BEND3: variants seen among roughly 807,000 people sequenced by gnomAD.
The protein encoded by BEND3 is BEN domain-containing protein 3.
A neutral mutation model predicts 60.1 loss-of-function variants in BEND3; 13 were observed. That is an observed-to-expected ratio of 0.22 (90% CI 0.14 to 0.34). BEND3 has a LOEUF of 0.34. BEND3 is among the 10% of genes least tolerant of loss of function. The probability of loss-of-function intolerance (pLI) is 1.00; values close to 1 mark genes in which losing one functional copy is unlikely to be tolerated. For missense variants in BEND3, 896 were observed against 1,138.1 expected (o/e 0.79, Z 3.06); for synonymous variants, 497 against 491.5 (o/e 1.01, Z -0.15).
chr6:107,084,009 A>G (rs1161572368), intron 3 of BEND3, among the ~76,000 whole-genome samples: 1 of 152,260 alleles, frequency 6.6e-6, no homozygotes, highest in Non-Finnish European at 1.5e-5. Flanking sequence ...GCATGGAAGG[A>G]GCCTGAAAGT....
At position 107,069,513 on chromosome 6, in the gene BEND3, G is replaced by A. The variant is rs781855436; in HGVS notation, c.1678C>T (p.Leu560=). 1.2e-6 allele frequency: 2 copies of A among 1,613,162 alleles called. No homozygotes were observed. Among genetic ancestry groups the A allele is most frequent in the Non-Finnish European group, 1.7e-6 (2 of 1,180,034 alleles). Residue 560 remains leucine, a synonymous_variant, in exon 4 of 4, where the codon CTA becomes TTA. Transcript: ENST00000369042. The part of the protein sequence containing the change: ...GADCLLSKEQ[L]RSIYESSLSI... ...AGGCTGCTCTCGTAGATGCTGCGTA[G>A]CTGCTCCTTGCTGAGCAGGCAGTCG...
At chr6:107,098,409 C>T (rs2115026826) in intron 3 of BEND3, 142 bp downstream of exon 3, 1 of 799,432 alleles carries the variant, frequency 1.3e-6, no homozygotes, top group South Asian at 1.8e-5. Flanking sequence ...AAACTGAAGC[C>T]AGAGATGGGA....
At chr6:107,101,289 T>C (rs1298999011) in intron 1 of BEND3, among the ~76,000 whole-genome samples, 1 of 152,156 alleles carries the variant, frequency 6.6e-6, no homozygotes, top group Non-Finnish European at 1.5e-5. Context: ...TGGTGTGTGT[T>C]TGACATACAG....
In BEND3 at chr6:107,070,886, G is replaced by A. The variant is rs150431018; in HGVS notation, c.305C>T (p.Ala102Val). ...ATTGCCCAGGCTCCTGCCCCTGCCG[G>A]CCTGCTCACCATTGCCTTGGCAGGG... ...SSPCQGNGEQ[A>V]GRGRSLGNVW... is the part of the protein sequence containing the mutation. Residue 102 changes from alanine (A) to valine (V), a missense_variant, in exon 4 of 4, where the codon GCC (alanine) becomes GTC (valine). By Grantham distance (64) the Ala-to-Val change is moderately conservative. Coordinates refer to ENST00000369042, the MANE Select transcript of BEND3 (RefSeq NM_001367314.1). This position sits in a 1 kb window ranked among gnomAD's most constrained non-coding sequence, Gnocchi z 6.9. 2.1e-5 allele frequency: 34 copies of A among 1,613,768 alleles called. No homozygotes were observed. The African/African-American group carries it at 4.4e-4, about 21-fold the overall frequency.
At chr6:107,095,325 T>C (rs1630395) in intron 3 of BEND3, among the ~76,000 whole-genome samples, 48,161 of 151,756 alleles carry the variant, frequency 0.32, 7,861 homozygotes, top group East Asian at 0.41. Context: ...CCTTCATCTC[T>C]GCAAAAAAAA....
At chr6:107,104,323 A>G (rs933736131) in intron 1 of BEND3, among the ~76,000 whole-genome samples, 2 of 151,180 alleles carry the variant, frequency 1.3e-5, no homozygotes, top group Non-Finnish European at 2.9e-5. Flanking sequence ...GAACCACATC[A>G]CAAAGAGATA....
chr6:107,091,285 A>C (rs1775470032), intron 3 of BEND3, among the ~76,000 whole-genome samples: 1 of 152,160 alleles, frequency 6.6e-6, no homozygotes, highest in South Asian at 2.1e-4. Flanking sequence ...CAAAGTAAGC[A>C]GAAGAAAAGA....
chr6:107,101,438 T>G (rs1428102375), intron 1 of BEND3, among the ~76,000 whole-genome samples: 2 of 152,188 alleles, frequency 1.3e-5, no homozygotes, highest in African/African-American at 4.8e-5. Context: ...GAAGCACTAT[T>G]TTTAGTTCAA....
At chr6:107,110,557 G>A (rs1775920265) in intron 1 of BEND3, among the ~76,000 whole-genome samples, 1 of 152,066 alleles carries the variant, frequency 6.6e-6, no homozygotes, top group Admixed American at 6.6e-5. Flanking sequence ...TTTTTTGTGT[G>A]TGACTTTCTT....
intron 3 of BEND3, among the ~76,000 whole-genome samples, chr6:107,093,223 G>A (rs1001029654): frequency 6.6e-6 from 1 of 152,188 alleles, no homozygotes; most frequent in African/African-American, 2.4e-5. Context: ...CACTTTGGGA[G>A]GCTGAGGAGG....
At chr6:107,076,383 G>A (rs9480726) in intron 3 of BEND3, among the ~76,000 whole-genome samples, 9,871 of 152,230 alleles carry the variant, frequency 0.065, 402 homozygotes, top group South Asian at 0.13. Flanking sequence ...CGTCTAGCCC[G>A]GATCTTGATC....
intron 1 of BEND3, among the ~76,000 whole-genome samples, chr6:107,107,465 A>G (rs1554237697): frequency 6.9e-6 from 1 of 145,862 alleles, no homozygotes; most frequent in Non-Finnish European, 1.5e-5. Flanking sequence ...AGTGCATTTT[A>G]TTTTTTTATT....
chr6:107,083,686 T>G (rs1775279234), intron 3 of BEND3, among the ~76,000 whole-genome samples: 2 of 152,156 alleles, frequency 1.3e-5, no homozygotes. Flanking sequence ...AGTCAACATT[T>G]TTTTCTGGAC....
At chr6:107,097,804 AAAAAAAAAAAAC>A (rs1554236215) in intron 3 of BEND3, among the ~76,000 whole-genome samples, 62 of 151,520 alleles carry the variant, frequency 4.1e-4, no homozygotes, top group Non-Finnish European at 1.0e-4. Context: ...AAAAAAAAAA[AAAAAAAAAAAAC>A]CCCAACAAAC....
chr6:107,081,567 C>T (rs1255231983), intron 3 of BEND3, among the ~76,000 whole-genome samples: 1 of 152,114 alleles, frequency 6.6e-6, no homozygotes, highest in Non-Finnish European at 1.5e-5. Flanking sequence ...TCTAATGGGT[C>T]AGAACTGCCT....
chr6:107,108,655 C>T (rs1775873661), intron 1 of BEND3, among the ~76,000 whole-genome samples: 1 of 152,148 alleles, frequency 6.6e-6, no homozygotes, highest in African/African-American at 2.4e-5. Context: ...ACCAAAACAG[C>T]CCCTGACATA....
intron 3 of BEND3, among the ~76,000 whole-genome samples, chr6:107,096,719 G>A (rs1348645231): frequency 6.6e-6 from 1 of 152,168 alleles, no homozygotes; most frequent in Non-Finnish European, 1.5e-5. Context: ...AGGGAATGAG[G>A]AGCTACTGCT....
intron 1 of BEND3, among the ~76,000 whole-genome samples, chr6:107,106,602 C>T (rs77459355): frequency 1.6e-3 from 238 of 152,124 alleles, no homozygotes; most frequent in African/African-American, 5.6e-3. Flanking sequence ...GCTTTTAATC[C>T]AGTTTTTTCA....
intron 3 of BEND3, among the ~76,000 whole-genome samples, chr6:107,096,598 C>T (rs1027338721): frequency 3.9e-5 from 6 of 151,928 alleles, no homozygotes; most frequent in South Asian, 4.1e-4. Flanking sequence ...GGCCACACAG[C>T]GAGACTCCAT....
Sources: gnomAD v4.1 joint callset for allele counts (sites outside exome capture counted in the v4.1 genomes callset) on GRCh38, gnomAD v4.1.1 for gene constraint, Gnocchi (gnomAD v3.1) non-coding constraint, MANE v1.5 for transcripts, NCBI Gene and HGNC (gene_info 2026-07-23, HGNC 2026-07-21) for gene names.